The following DDX10 variants were observed in gnomAD, a reference collection of about 807,000 sequenced individuals.
DDX10 encodes the protein DEAD-box helicase 10, also known as probable ATP-dependent RNA helicase DDX10.
Under a neutral mutation model 104.3 loss-of-function variants are expected in DDX10, and 74 were observed. The observed-to-expected ratio is 0.71, with a 90% CI of 0.59 to 0.86. The LOEUF (loss-of-function observed/expected upper bound fraction) is 0.86. Among genes scored for constraint, DDX10 ranks in the 40% least tolerant of loss-of-function variants. The pLI is 0.00. For synonymous variants in DDX10, 351 were observed against 353.4 expected (o/e 0.99, Z 0.08); for missense variants, 952 against 1,040.0 (o/e 0.92, Z 1.16).
chr11:108,685,914 C>T (rs1476772720), intron 6 of DDX10, among the ~76,000 whole-genome samples: 1 of 152,060 alleles, frequency 6.6e-6, no homozygotes, highest in Non-Finnish European at 1.5e-5. Context: ...TTAGACATCC[C>T]AGTAAAGATG....
intron 13 of DDX10, among the ~76,000 whole-genome samples, chr11:108,776,939 GC>G (rs2094370727): frequency 1.3e-5 from 2 of 152,196 alleles, no homozygotes; most frequent in African/African-American, 4.8e-5. Context: ...TGGGGACTTG[GC>G]CCAGCTGACA....
At chr11:108,834,603 A>G (rs1465335084) in intron 13 of DDX10, among the ~76,000 whole-genome samples, 3 of 152,148 alleles carry the variant, frequency 2.0e-5, no homozygotes, top group African/African-American at 7.2e-5. Context: ...ATTATAATTT[A>G]CTATGTTACA....
intron 13 of DDX10, among the ~76,000 whole-genome samples, chr11:108,808,520 T>C (rs1212253706): frequency 3.5e-4 from 54 of 152,304 alleles, no homozygotes; most frequent in Admixed American, 3.5e-3. Context: ...TTTAGCCACA[T>C]TGTAGAAATA....
intron 16 of DDX10, among the ~76,000 whole-genome samples, chr11:108,858,548 C>T (rs1024010325): frequency 2.8e-4 from 42 of 152,124 alleles, no homozygotes; most frequent in African/African-American, 9.7e-4. Context: ...CACACTCAGC[C>T]CTTTCCAAGT....
At chr11:108,807,671 C>T (rs954840449) in intron 13 of DDX10, among the ~76,000 whole-genome samples, 1 of 152,120 alleles carries the variant, frequency 6.6e-6, no homozygotes, top group Admixed American at 6.6e-5. Context: ...GTTGACATGC[C>T]TTCTAGGCCT....
At position 108,790,341 on chromosome 11, in the gene DDX10, A is replaced by G. The variant is rs184138141; in HGVS notation, c.1966-48105A>G. Among the ~76,000 whole-genome samples the G allele has an allele frequency of 5.6e-4, 85 of 152,320 alleles. 2 individuals carry two copies. Among genetic ancestry groups the G allele is most frequent in the African/African-American group, 1.9e-3 (81 of 41,568 alleles). ...ATTAACCCAATGAACTACAAAGAGA[A>G]TATTTTGGGCAAGAAGGAAGCAGAG... is the stretch of plus-strand genomic sequence containing the variant. On this transcript the variant is annotated intron_variant, in intron 13 of 17. Coordinates refer to ENST00000322536, the MANE Select transcript of DDX10 (RefSeq NM_004398.4).
intron 13 of DDX10, among the ~76,000 whole-genome samples, chr11:108,747,950 G>GA (rs998332655): frequency 3.3e-4 from 50 of 150,698 alleles, no homozygotes; most frequent in African/African-American, 1.1e-3. Context: ...CAGTAGGAGT[G>GA]AAAAAAAAAT....
chr11:108,703,944 A>T (rs2094272226), intron 9 of DDX10, among the ~76,000 whole-genome samples: 1 of 152,120 alleles, frequency 6.6e-6, no homozygotes, highest in Non-Finnish European at 1.5e-5. Context: ...TATGGATTTG[A>T]CTTTGGGCAT....
chr11:108,734,481 T>TC (rs1247269237), intron 13 of DDX10, among the ~76,000 whole-genome samples: 6 of 152,166 alleles, frequency 3.9e-5, no homozygotes, highest in Non-Finnish European at 8.8e-5. Flanking sequence ...GTATTTTTTT[T>TC]CCTATTTGAG....
At chr11:108,864,438 AGAATAAACTTTATATGTATAGAATATG>A (rs1862981395) in intron 16 of DDX10, among the ~76,000 whole-genome samples, 1 of 151,268 alleles carries the variant, frequency 6.6e-6, no homozygotes, top group Non-Finnish European at 1.5e-5. Flanking sequence ...TAGAATAGAT[AGAATAAACTTTATATGTATAGAATATG>A]TAGAATAAAC....
chr11:108,842,965 A>T (rs1862661722), intron 15 of DDX10, among the ~76,000 whole-genome samples: 1 of 152,228 alleles, frequency 6.6e-6, no homozygotes, highest in Non-Finnish European at 1.5e-5. Context: ...AGTTGTTACT[A>T]TATCCATGTC....
At chr11:108,781,498 A>C (rs1389926845) in intron 13 of DDX10, among the ~76,000 whole-genome samples, 1 of 152,176 alleles carries the variant, frequency 6.6e-6, no homozygotes. Context: ...GGTATATGCC[A>C]AATAGTATTC....
At chr11:108,679,613 G>A in intron 6 of DDX10, 53 bp downstream of exon 6, 3 of 1,321,782 alleles carry the variant, frequency 2.3e-6, no homozygotes, top group African/African-American at 3.0e-5. Context: ...TTTTAGTTTA[G>A]GGATTTGGTA....
At position 108,665,165 on chromosome 11, in the gene DDX10, G is replaced by C. The variant is rs573704676; in HGVS notation, c.12G>C (p.Thr4=). ...CCGCCGCCGCCGCAATGGGCAAAAC[G>C]GCCAACTCTCCGGGTTCGGGAGCCC... MGK[T]ANSPGSGARP... is the part of the protein sequence containing the mutation. Residue 4 remains threonine, a synonymous_variant, in exon 1 of 18, where the codon ACG becomes ACC. Coordinates refer to ENST00000322536, the MANE Select transcript of DDX10 (RefSeq NM_004398.4). 6.2e-7 allele frequency: 1 copy of C among 1,608,628 alleles called. No individual in the cohort carries two copies. The highest frequency in any genetic ancestry group is 1.3e-5 in the African/African-American group (1 of 74,672).
At chr11:108,802,056 C>T (rs1862030071) in intron 13 of DDX10, among the ~76,000 whole-genome samples, 1 of 147,216 alleles carries the variant, frequency 6.8e-6, no homozygotes, top group South Asian at 2.2e-4. Flanking sequence ...TGTCTTGTGG[C>T]TGATCAGGTG....
intron 13 of DDX10, among the ~76,000 whole-genome samples, chr11:108,779,676 TAAA>T (rs1036105242): frequency 2.0e-5 from 3 of 152,028 alleles, no homozygotes; most frequent in Non-Finnish European, 4.4e-5. Context: ...AATAAAAAAA[TAAA>T]AAATAATAAA....
At chr11:108,673,667 A>T in intron 2 of DDX10, 140 bp downstream of exon 2, 1 of 622,916 alleles carries the variant, frequency 1.6e-6, no homozygotes, top group South Asian at 2.0e-5. Flanking sequence ...AATAAGCAAT[A>T]TTCAAGTTTT....
chr11:108,785,043 G>C (rs1292072041), intron 13 of DDX10, among the ~76,000 whole-genome samples: 1 of 152,076 alleles, frequency 6.6e-6, no homozygotes, highest in Non-Finnish European at 1.5e-5. Flanking sequence ...CTGTTCCATT[G>C]GTCTATATGT....
At chr11:108,832,987 C>T (rs1862492661) in intron 13 of DDX10, among the ~76,000 whole-genome samples, 1 of 152,116 alleles carries the variant, frequency 6.6e-6, no homozygotes, top group Non-Finnish European at 1.5e-5. Flanking sequence ...CTGAAGAGGA[C>T]ATGAAAAACA....
Sources: allele counts gnomAD v4.1 joint callset (sites outside exome capture counted in the v4.1 genomes callset), GRCh38; gene constraint gnomAD v4.1.1; transcripts MANE v1.5; gene names NCBI Gene and HGNC (gene_info 2026-07-23, HGNC 2026-07-21).